MROH9: variants seen among roughly 807,000 people sequenced by gnomAD.
MROH9 encodes maestro heat like repeat family member 9.
Under a neutral mutation model 98.2 loss-of-function variants are expected in MROH9, and 92 were observed. That is an observed-to-expected ratio of 0.94 (90% CI 0.79 to 1.11). MROH9 has a LOEUF of 1.11. Among genes scored for constraint, MROH9 ranks in the 50% most tolerant of loss-of-function variants. The pLI is 0.00. For missense variants in MROH9, 1,057 were observed against 1,014.8 expected (o/e 1.04, Z -0.57); for synonymous variants, 397 against 368.9 (o/e 1.08, Z -0.87).
intron 20 of MROH9, among the ~76,000 whole-genome samples, chr1:171,041,341 T>C: frequency 8.5e-6 from 1 of 117,482 alleles, no homozygotes; most frequent in Non-Finnish European, 1.8e-5. Context: ...TGAGTAGTAT[T>C]CCATGATGTG....
At chr1:170,999,339 CAA>C in intron 15 of MROH9, among the ~76,000 whole-genome samples, 1 of 152,210 alleles carries the variant, frequency 6.6e-6, no homozygotes, top group South Asian at 2.1e-4. Context: ...CCCAAGTCCC[CAA>C]AGTCCATTGT....
At chr1:170,983,625 G>A in intron 9 of MROH9, 91 bp downstream of exon 9, 2 of 763,892 alleles carry the variant, frequency 2.6e-6, no homozygotes, top group Non-Finnish European at 4.3e-6. Flanking sequence ...TATGTCGTTA[G>A]TATTTTTTCG....
At chr1:171,005,818 A>C (rs1651935290) in intron 15 of MROH9, among the ~76,000 whole-genome samples, 1 of 152,090 alleles carries the variant, frequency 6.6e-6, no homozygotes, top group Non-Finnish European at 1.5e-5. Context: ...AGCACTTTAC[A>C]CTTTTTCTCC....
intron 3 of MROH9, among the ~76,000 whole-genome samples, chr1:170,956,100 T>G (rs550755636): frequency 6.6e-6 from 1 of 152,268 alleles, no homozygotes; most frequent in South Asian, 2.1e-4. Context: ...TGTTTTTGTT[T>G]GCTTTGTCAA....
chr1:170,990,155 T>A, intron 11 of MROH9, 152 bp downstream of exon 11: 1 of 755,246 alleles, frequency 1.3e-6, no homozygotes, highest in Non-Finnish European at 2.0e-6. Flanking sequence ...TGTGGGATAC[T>A]TGTAAGACTC....
rs1425296975 is a variant in MROH9, at chr1:171,048,939, C to T, written c.2282-13193C>T. On this transcript the variant is annotated intron_variant, in intron 20 of 21. Transcript: ENST00000367759. ...TGGCCCAGGGTATGTTTAGAAATGTCGTCTGGGAACTAGGACCTGGAACAG... is the reference window on the plus strand; with the variant it reads ...TGGCCCAGGGTATGTTTAGAAATGTTGTCTGGGAACTAGGACCTGGAACAG... 3.9e-5 allele frequency among the ~76,000 whole-genome samples: 6 copies of T among 152,162 alleles called. No individual in the cohort carries two copies. The South Asian group carries it at 1.0e-3, about 26-fold the overall frequency.
intron 15 of MROH9, among the ~76,000 whole-genome samples, chr1:171,010,535 A>G (rs1652114718): frequency 6.6e-6 from 1 of 152,138 alleles, no homozygotes. Flanking sequence ...GGTTGAACTA[A>G]TTTATACTCC....
chr1:170,985,542 A>G (rs1217884334), intron 9 of MROH9, among the ~76,000 whole-genome samples: 1 of 152,172 alleles, frequency 6.6e-6, no homozygotes, highest in East Asian at 1.9e-4. Flanking sequence ...AACTTCTAAC[A>G]CTGGCTCTAA....
In MROH9 at chr1:171,014,195, C is replaced by T. The variant is rs1652254158; in HGVS notation, c.1675C>T (p.Pro559Ser). The stretch of plus-strand genomic sequence containing the variant: ...CATAAACTGGATCAATGATTCCAAT[C>T]CTGTAGTTAGCAGACTGATCCTTCA... ...LFINWINDSN[P>S]VVSRLILHRI... The change falls in exon 16 of 22, where the codon CCT becomes TCT. Residue 559 changes from proline (P) to serine (S), a missense_variant. Pro to Ser is a moderately conservative substitution (Grantham distance 74). Transcript: ENST00000367759. 6.4e-7 allele frequency: 1 copy of T among 1,551,052 alleles called. No homozygotes were observed. The highest frequency in any genetic ancestry group is 1.2e-5 in the South Asian group (1 of 84,048).
chr1:171,060,211 C>T (rs1020915725), intron 20 of MROH9, among the ~76,000 whole-genome samples: 7 of 151,980 alleles, frequency 4.6e-5, no homozygotes, highest in Admixed American at 3.3e-4. Flanking sequence ...TCATCAAATA[C>T]CTTAAAATAA....
chr1:170,992,410 C>A, intron 12 of MROH9, 81 bp downstream of exon 12: 2 of 1,429,706 alleles, frequency 1.4e-6, no homozygotes, highest in South Asian at 1.3e-5. Context: ...CAGACTCAAT[C>A]ATACTTTCTT....
Position 170,965,253 on chromosome 1 carries a change from T to C in MROH9, c.478T>C (p.Tyr160His), listed in dbSNP as rs16863872. ...LRFTVTKVRKYISVDAPCLGL... is the reference protein window; with the variant it reads ...LRFTVTKVRKHISVDAPCLGL... ...ATTTACAGTCACAAAAGTCAGAAAA[T>C]ACGTAAGTCACAGAATATAACAATG... The change falls in exon 7 of 22, where the codon TAC becomes CAC. Residue 160 changes from tyrosine to histidine, a missense_variant and splice_region_variant. Transcript: ENST00000367759. 0.075 allele frequency: 119,450 copies of C among 1,592,024 alleles called. 5,087 individuals carry two copies. The highest frequency in any genetic ancestry group is 0.14 in the Middle Eastern group (832 of 6,012).
intron 9 of MROH9, 138 bp from the exon 10 acceptor site, chr1:170,986,423 C>A: frequency 3.0e-6 from 2 of 659,718 alleles, no homozygotes; most frequent in Middle Eastern, 3.8e-4. Flanking sequence ...AAGAGAGAGA[C>A]TCCAACAAGA....
intron 17 of MROH9, among the ~76,000 whole-genome samples, chr1:171,018,221 G>T (rs1044828849): frequency 3.3e-5 from 5 of 152,064 alleles, no homozygotes; most frequent in African/African-American, 1.2e-4. Context: ...CAGATTCCTC[G>T]AGTGACATCT....
chr1:170,977,428 C>A (rs1277253756), intron 8 of MROH9, among the ~76,000 whole-genome samples: 1 of 152,082 alleles, frequency 6.6e-6, no homozygotes, highest in Admixed American at 6.5e-5. Flanking sequence ...CAGGACTGAG[C>A]CTTGTACAGG....
rs1201869865 is a variant in MROH9, at chr1:170,995,384, T to C, written c.1195-5T>C. ...ATTTCTACCTCCTATTTCCTTCCCT[T>C]ATAGGCATGCCAGGCCCTGTGCACC... On this transcript the variant is annotated splice_polypyrimidine_tract_variant and splice_region_variant and intron_variant, in intron 12 of 21. Coordinates refer to ENST00000367759, the MANE Select transcript of MROH9 (RefSeq NM_001163629.2). The C allele has an allele frequency of 4.3e-6, 7 of 1,613,204 alleles. No individual in the cohort carries two copies. The South Asian group carries it at 7.7e-5, about 18-fold the overall frequency.
intron 20 of MROH9, among the ~76,000 whole-genome samples, chr1:171,034,105 A>G (rs1184404438): frequency 6.6e-6 from 1 of 152,124 alleles, no homozygotes; most frequent in Non-Finnish European, 1.5e-5. Flanking sequence ...AATATTCCAT[A>G]TTTTATAGTT....
intron 8 of MROH9, among the ~76,000 whole-genome samples, chr1:170,975,404 G>A (rs181774049): frequency 4.7e-4 from 72 of 152,218 alleles, no homozygotes; most frequent in East Asian, 4.1e-3. Context: ...TAAAGGGATC[G>A]ATTAATTAAG....
intron 20 of MROH9, among the ~76,000 whole-genome samples, chr1:171,055,296 G>A (rs1358652655): frequency 6.6e-6 from 1 of 152,062 alleles, no homozygotes; most frequent in African/African-American, 2.4e-5. Flanking sequence ...ACTTATAAGT[G>A]GGAGCTAGGC....
Sources: allele counts gnomAD v4.1 joint callset (sites outside exome capture counted in the v4.1 genomes callset), GRCh38; gene constraint gnomAD v4.1.1; transcripts MANE v1.5; gene names NCBI Gene and HGNC (gene_info 2026-07-23, HGNC 2026-07-21).